Variants in IHO1 observed in about 807,000 individuals in gnomAD.
IHO1 encodes the protein interactor of HORMAD1 protein 1.
Under a neutral mutation model 31.0 loss-of-function variants are expected in IHO1, and 13 were observed. The observed-to-expected ratio is 0.42, with a 90% CI of 0.27 to 0.67. The LOEUF is 0.67. Among genes scored for constraint, IHO1 ranks in the 30% least tolerant of loss-of-function variants. The probability of loss-of-function intolerance (pLI) is 0.24; values close to 1 mark genes in which losing one functional copy is unlikely to be tolerated. For missense variants in IHO1, 599 were observed against 687.5 expected, an observed-to-expected ratio of 0.87 and a Z score of 1.44; for synonymous variants, 221 against 248.4, an observed-to-expected ratio of 0.89 and a Z score of 1.04.
chr3:49,207,249 GTT>G (rs1223888677), intron 1 of IHO1, among the ~76,000 whole-genome samples: 2 of 138,584 alleles, frequency 1.4e-5, no homozygotes, highest in Admixed American at 7.4e-5. Context: ...TTCTGGTGAG[GTT>G]TTTTTTTTTT....
intron 2 of IHO1, among the ~76,000 whole-genome samples, chr3:49,214,629 T>TATATATATATATATATATGA (rs2046265189): frequency 2.0e-5 from 1 of 49,066 alleles, no homozygotes; most frequent in Non-Finnish European, 3.8e-5. Flanking sequence ...TATATATATA[T>TATATATATATATATATATGA]ATATTTTTTT....
intron 2 of IHO1, among the ~76,000 whole-genome samples, chr3:49,230,506 T>C (rs1226219102): frequency 6.6e-6 from 1 of 152,342 alleles, no homozygotes; most frequent in Middle Eastern, 3.4e-3. Flanking sequence ...TGTTAAACAG[T>C]CCAACAATTT....
intron 3 of IHO1, 32 bp from the exon 4 acceptor site, chr3:49,241,193 TG>T (rs2046626164): frequency 6.5e-7 from 1 of 1,533,066 alleles, no homozygotes; most frequent in Non-Finnish European, 8.8e-7. Context: ...TATTTTTATG[TG>T]TGAAATGCTA....
At chr3:49,213,655 C>T (rs1022651348) in intron 2 of IHO1, among the ~76,000 whole-genome samples, 8 of 152,216 alleles carry the variant, frequency 5.3e-5, no homozygotes, top group South Asian at 2.1e-4. Context: ...CTGGAGGACC[C>T]GGTGCACCCT....
chr3:49,237,887 CTTTTTTTTTTTTTTTTT>C (rs574951773), intron 3 of IHO1, among the ~76,000 whole-genome samples: 5 of 51,442 alleles, frequency 9.7e-5, no homozygotes, highest in South Asian at 2.1e-3. Flanking sequence ...CTGTCTTTTC[CTTTTTTTTTTTTTTTTT>C]TTTTTTTTTT....
intron 6 of IHO1, chr3:49,245,580 A>G (rs1030001363): frequency 6.6e-6 from 1 of 152,268 alleles, no homozygotes; most frequent in African/African-American, 2.4e-5. Flanking sequence ...CCCTTGCCCT[A>G]TAAACAGAAG....
chr3:49,224,927 T>A (rs753314810), intron 2 of IHO1, among the ~76,000 whole-genome samples: 4 of 152,248 alleles, frequency 2.6e-5, no homozygotes, highest in Non-Finnish European at 5.9e-5. Flanking sequence ...CTGATAGCGA[T>A]AAACTTCCTT....
the IHO1 span, chr3:49,191,799 A>G: frequency 1.2e-5 from 18 of 1,543,024 alleles, no homozygotes; most frequent in African/African-American, 1.5e-4. Flanking sequence ...AGAAAAGGCA[A>G]ACTTTCCTCT....
intron 6 of IHO1, among the ~76,000 whole-genome samples, chr3:49,253,912 C>G (rs1272655163): frequency 1.4e-5 from 2 of 143,614 alleles, no homozygotes; most frequent in African/African-American, 5.2e-5. Flanking sequence ...CAACTCACTG[C>G]AACCTCTACC....
intron 6 of IHO1, 131 bp from the exon 7 acceptor site, chr3:49,255,259 G>A (rs1200492005): frequency 1.7e-6 from 1 of 571,798 alleles, no homozygotes; most frequent in Non-Finnish European, 3.1e-6. Context: ...GGGAGGGAAG[G>A]AGAGCCTGGA....
At position 49,241,771 on chromosome 3, in the gene IHO1, C is replaced by A. The variant is rs148091095; in HGVS notation, c.395+382C>A. ...GAGTAGCTGGGACTACAGGCGCCTG[C>A]CACCATGCCTGGCTAATTTTTGTAT... On this transcript the variant is annotated intron_variant, in intron 4 of 7. Transcript: ENST00000452691. Among the ~76,000 whole-genome samples, 127 of 152,080 alleles carry A rather than the reference C, an allele frequency of 8.4e-4. 1 individual carries two copies. The East Asian group carries it at 0.023, about 27-fold the overall frequency.
At chr3:49,250,063 AT>A (rs1462165175) in intron 6 of IHO1, among the ~76,000 whole-genome samples, 1 of 152,252 alleles carries the variant, frequency 6.6e-6, no homozygotes, top group Admixed American at 6.5e-5. Flanking sequence ...AAAGCTAAAA[AT>A]ATCTAATGTT....
chr3:49,196,387 C>T (rs576643424), upstream of IHO1, among the ~76,000 whole-genome samples: 3 of 149,106 alleles, frequency 2.0e-5, no homozygotes, highest in South Asian at 2.1e-4. Flanking sequence ...GGCGCGATCT[C>T]GGCTCACTGC....
intron 1 of IHO1, chr3:49,200,666 C>T: frequency 1.5e-6 from 1 of 659,820 alleles, no homozygotes; most frequent in African/African-American, 2.0e-5. Context: ...CCATTCCTTG[C>T]ATGCACTCAA....
chr3:49,215,354 A>G (rs2046276056), intron 2 of IHO1, among the ~76,000 whole-genome samples: 1 of 152,166 alleles, frequency 6.6e-6, no homozygotes, highest in Non-Finnish European at 1.5e-5. Context: ...TGGCCTTCAT[A>G]GTTTTAAGAT....
chr3:49,200,550 C>G, intron 1 of IHO1: 2 of 976,892 alleles, frequency 2.0e-6, no homozygotes, highest in Non-Finnish European at 2.4e-6. Flanking sequence ...GAGTTGACGA[C>G]GGTGGTCAGA....
chr3:49,236,440 C>T (rs2107719060), intron 2 of IHO1, 108 bp from the exon 3 acceptor site: 1 of 755,054 alleles, frequency 1.3e-6, no homozygotes. Flanking sequence ...AAGGTCAGAA[C>T]AAGCTATCAT....
intron 1 of IHO1, among the ~76,000 whole-genome samples, chr3:49,206,157 G>A (rs1186722829): frequency 6.6e-6 from 1 of 151,786 alleles, no homozygotes; most frequent in Non-Finnish European, 1.5e-5. Context: ...GTAGAGACGG[G>A]GTTTCACCAT....
At position 49,229,641 on chromosome 3, in the gene IHO1, G is replaced by T. The variant is rs142834331; in HGVS notation, c.57-6907G>T. Among the ~76,000 whole-genome samples the T allele has an allele frequency of 6.5e-3, 989 of 152,314 alleles. 8 individuals are homozygous for T. The highest frequency in any genetic ancestry group is 0.023 in the African/African-American group (942 of 41,568). On this transcript the variant is annotated intron_variant, in intron 2 of 7. Transcript: ENST00000452691. ...CCTGTGAAATAACTATTCAGGGAAA[G>T]AAATTTAAAGGTTTAGTAGATACAG...
Sources: allele counts gnomAD v4.1 joint callset (sites outside exome capture counted in the v4.1 genomes callset), GRCh38; gene constraint gnomAD v4.1.1; transcripts MANE v1.5; gene names NCBI Gene and HGNC (gene_info 2026-07-23, HGNC 2026-07-21).